Variants in TACC2 observed in about 807,000 individuals in gnomAD.
TACC2 encodes the protein transforming acidic coiled-coil-containing protein 2.
In TACC2, 137 loss-of-function variants were observed where a neutral mutation model predicts 227.3. The ratio of observed to expected loss-of-function variants is 0.60; its 90% confidence interval spans 0.52 to 0.69. The LOEUF is 0.69. Among genes scored for constraint, TACC2 ranks in the 30% least tolerant of loss-of-function variants. The pLI is 0.00. For synonymous variants in TACC2, 1,523 were observed against 1,487.5 expected, an observed-to-expected ratio of 1.02 and a Z score of -0.55; for missense variants, 3,470 against 3,694.4, an observed-to-expected ratio of 0.94 and a Z score of 1.57.
At chr10:122,060,839 T>C (rs1225734196) in intron 3 of TACC2, among the ~76,000 whole-genome samples, 1 of 151,458 alleles carries the variant, frequency 6.6e-6, no homozygotes, top group Non-Finnish European at 1.5e-5. Context: ...ACTCTGTCTC[T>C]ACTAAAAACA....
intron 7 of TACC2, among the ~76,000 whole-genome samples, chr10:122,172,463 G>T (rs1291961481): frequency 6.6e-6 from 1 of 152,172 alleles, no homozygotes; most frequent in Non-Finnish European, 1.5e-5. Context: ...CTCTCACGGT[G>T]ACTCCTCTGT....
Position 122,180,981 on chromosome 10 carries a change from T to C in TACC2, c.5835-14059T>C, listed in dbSNP as rs2093954200. The stretch of plus-strand genomic sequence containing the variant: ...CTGGTCTTGAACTCCTGACCTCAGG[T>C]GATCCACCCACCTCAGCCTCCCAAA... On this transcript the variant is annotated intron_variant, in intron 7 of 22. Coordinates refer to ENST00000369005, the MANE Select transcript of TACC2 (RefSeq NM_206862.4). The surrounding 1 kb of genome is among the most constrained non-coding windows in gnomAD (Gnocchi z 4.5). 6.6e-6 allele frequency among the ~76,000 whole-genome samples: 1 copy of C among 151,748 alleles called. No individual in the cohort carries two copies. Among genetic ancestry groups the C allele is most frequent in the Admixed American group, 6.6e-5 (1 of 15,204 alleles).
intron 5 of TACC2, among the ~76,000 whole-genome samples, chr10:122,089,466 C>T (rs1000415666): frequency 2.6e-5 from 4 of 152,236 alleles, no homozygotes; most frequent in Non-Finnish European, 5.9e-5. Context: ...GACCTTCACA[C>T]TTGCAGTGTG....
chr10:122,085,818 G>C lies in TACC2; in HGVS notation c.3318G>C (p.Ser1106=). Residue 1106 remains serine (S), a synonymous_variant, in exon 4 of 23, where the codon TCG becomes TCC. Transcript: ENST00000369005. ...PQQKMECWAT[S]DAESPKLLAS... is the part of the protein sequence containing the mutation. ...AGAAAATGGAGTGCTGGGCCACTTCGGATGCAGAGTCCCCAAAGCTTCTTG... is the reference window on the plus strand; with the variant it reads ...AGAAAATGGAGTGCTGGGCCACTTCCGATGCAGAGTCCCCAAAGCTTCTTG... 1 of 1,612,992 alleles carries C rather than the reference G, an allele frequency of 6.2e-7. No individual in the cohort carries two copies. Among genetic ancestry groups the C allele is most frequent in the East Asian group, 2.2e-5 (1 of 44,858 alleles).
intron 3 of TACC2, chr10:122,079,067 G>A (rs1279483712): frequency 1.3e-5 from 2 of 152,222 alleles, no homozygotes; most frequent in African/African-American, 2.4e-5. Flanking sequence ...AAGTGGCTTC[G>A]TTTCTTTCCA....
intron 3 of TACC2, among the ~76,000 whole-genome samples, chr10:122,057,861 T>TGAGA (rs2076369991): frequency 1.3e-5 from 2 of 152,116 alleles, no homozygotes; most frequent in Admixed American, 6.5e-5. Flanking sequence ...TTTGGAGCCC[T>TGAGA]GAGAGGATGG....
chr10:122,136,785 C>T (rs2089754120), intron 6 of TACC2, among the ~76,000 whole-genome samples: 1 of 152,064 alleles, frequency 6.6e-6, no homozygotes, highest in Admixed American at 6.6e-5. Context: ...AACTCCTGAC[C>T]TCAGGTGATC....
rs2079666123 is a variant in TACC2 at position 122,082,745 on chromosome 10, A to G, written c.245A>G (p.Lys82Arg). 1.2e-6 allele frequency: 2 copies of G among 1,614,042 alleles called. No homozygotes were observed. The highest frequency in any genetic ancestry group is 1.7e-6 in the Non-Finnish European group (2 of 1,180,020). Residue 82 changes from lysine to arginine, a missense_variant, in exon 4 of 23, where the codon AAG becomes AGG. Transcript: ENST00000369005. ...LVSPEVTEPR[K>R]DPQGARGPEG... ...TCCCCAGAGGTGACTGAGCCAAGGA[A>G]GGACCCACAGGGAGCCAGGGGGCCA...
chr10:122,014,272 T>C (rs12775345), intron 1 of TACC2, among the ~76,000 whole-genome samples: 68,022 of 150,220 alleles, frequency 0.45, 15,527 homozygotes, highest in South Asian at 0.61. Flanking sequence ...TGCAATGGCA[T>C]GATCTTGGCT....
rs556120018 is a variant in TACC2 at position 122,204,721 on chromosome 10, A to T, written c.5972-5676A>T. On this transcript the variant is annotated intron_variant, in intron 8 of 22. Transcript: ENST00000369005. ...TGTGGTGTCACGAGTTTGGCTAGCC[A>T]CTTAGGAGGGTGAAGCCAGAGGATC... is the stretch of plus-strand genomic sequence containing the variant. Among the ~76,000 whole-genome samples the T allele has an allele frequency of 5.9e-5, 9 of 152,170 alleles. No homozygotes were observed. The East Asian group carries it at 1.7e-3, about 29-fold the overall frequency.
Position 122,254,078 on chromosome 10 carries a change from C to T in TACC2, c.*22C>T. Reference sequence around the variant, plus strand: ...CTAACTCTGAACCGAATGTTTTGGACTTAACTGTTGCGTGCAATATGACCG... The same window carrying T: ...CTAACTCTGAACCGAATGTTTTGGATTTAACTGTTGCGTGCAATATGACCG... On this transcript the variant is annotated 3_prime_UTR_variant, in exon 23 of 23. Transcript: ENST00000369005. 6.2e-7 allele frequency: 1 copy of T among 1,610,220 alleles called. No individual in the cohort carries two copies. The highest frequency in any genetic ancestry group is 2.2e-5 in the East Asian group (1 of 44,864).
chr10:122,063,362 T>C (rs1474037452), intron 3 of TACC2, among the ~76,000 whole-genome samples: 1 of 152,150 alleles, frequency 6.6e-6, no homozygotes, highest in Admixed American at 6.5e-5. Context: ...CCGCCCCTCC[T>C]TGTCCTGCTT....
intron 8 of TACC2, among the ~76,000 whole-genome samples, chr10:122,197,081 T>C (rs2094598220): frequency 6.6e-6 from 1 of 151,044 alleles, no homozygotes; most frequent in African/African-American, 2.4e-5. Flanking sequence ...CCCAACATAG[T>C]GAAACCCCGT....
intron 20 of TACC2, 21 bp from the exon 21 acceptor site, chr10:122,249,029 T>C (rs754360264): frequency 1.5e-5 from 24 of 1,602,480 alleles, no homozygotes; most frequent in Non-Finnish European, 2.0e-5. Flanking sequence ...TTGACGCCTG[T>C]CCTCTGCCCT....
At chr10:122,116,270 G>C (rs1009330001) in intron 5 of TACC2, among the ~76,000 whole-genome samples, 1 of 152,182 alleles carries the variant, frequency 6.6e-6, no homozygotes, top group Non-Finnish European at 1.5e-5. Context: ...CAGATGTGTT[G>C]AGTGTCAGCT....
chr10:122,163,669 A>ACGCCGGCCACTCTCGGGCGCG, intron 7 of TACC2: 1 of 1,040,844 alleles, frequency 9.6e-7, no homozygotes, highest in Non-Finnish European at 1.2e-6. Flanking sequence ...AGAGCCGCGC[A>ACGCCGGCCACTCTCGGGCGCG]CGCCGGCCAC....
intron 8 of TACC2, among the ~76,000 whole-genome samples, chr10:122,195,594 G>A (rs1246714540): frequency 2.0e-5 from 3 of 152,184 alleles, no homozygotes; most frequent in African/African-American, 7.2e-5. Context: ...GACATTCACA[G>A]CAGATCATGG....
At chr10:122,072,753 A>C (rs1307894414) in intron 3 of TACC2, among the ~76,000 whole-genome samples, 1 of 152,286 alleles carries the variant, frequency 6.6e-6, no homozygotes, top group East Asian at 1.9e-4. Flanking sequence ...TTCTTCACTT[A>C]TTTATGTATG....
intron 5 of TACC2, among the ~76,000 whole-genome samples, chr10:122,090,026 G>C (rs2080568394): frequency 6.6e-6 from 1 of 152,044 alleles, no homozygotes; most frequent in Non-Finnish European, 1.5e-5. Context: ...TATCTGTCTA[G>C]CTTGGAAAAG....
Sources: gnomAD v4.1 joint callset for allele counts (sites outside exome capture counted in the v4.1 genomes callset) on GRCh38, gnomAD v4.1.1 for gene constraint, Gnocchi (gnomAD v3.1) non-coding constraint, MANE v1.5 for transcripts, NCBI Gene and HGNC (gene_info 2026-07-23, HGNC 2026-07-21) for gene names.